Variants in SYNPO2 observed in about 807,000 individuals in gnomAD.
SYNPO2 encodes synaptopodin-2.
Under a neutral mutation model 85.0 loss-of-function variants are expected in SYNPO2, and 56 were observed. The ratio of observed to expected loss-of-function variants is 0.66; its 90% CI spans 0.53 to 0.82. The LOEUF is 0.82. Among genes scored for constraint, SYNPO2 ranks in the 40% least tolerant of loss-of-function variants. The pLI, the probability that SYNPO2 is intolerant of heterozygous loss-of-function variation, is 0.00. For synonymous variants in SYNPO2, 602 were observed against 591.1 expected (o/e 1.02, Z -0.27); for missense variants, 1,575 against 1,534.2 (o/e 1.03, Z -0.44).
chr4:118,956,890 T>TA (rs545624790), intron 1 of SYNPO2, among the ~76,000 whole-genome samples: 1 of 151,564 alleles, frequency 6.6e-6, no homozygotes, highest in South Asian at 2.1e-4. Context: ...ACTAAAAATA[T>TA]AAAAATTAGC....
At chr4:118,887,005 G>GA (rs796572477), upstream of SYNPO2, among the ~76,000 whole-genome samples, 46 of 151,294 alleles carry the variant, frequency 3.0e-4, no homozygotes, top group African/African-American at 8.7e-4. Flanking sequence ...ACATTGATGA[G>GA]AAAAAAAAAT....
intron 1 of SYNPO2, among the ~76,000 whole-genome samples, chr4:118,950,582 G>T (rs1429173762): frequency 1.3e-5 from 2 of 152,172 alleles, no homozygotes; most frequent in African/African-American, 4.8e-5. Context: ...TGGTGCTAGG[G>T]TGACTAGGAC....
At chr4:118,868,237 A>G (rs999714663) in intron 1 of SYNPO2, among the ~76,000 whole-genome samples, 1 of 152,000 alleles carries the variant, frequency 6.6e-6, no homozygotes, top group Non-Finnish European at 1.5e-5. Flanking sequence ...TTTCAAACTG[A>G]TTTTCTAAAT....
intron 4 of SYNPO2, chr4:119,042,837 A>C (rs947896954): frequency 6.6e-6 from 1 of 152,238 alleles, no homozygotes; most frequent in African/African-American, 2.4e-5. Context: ...ACTTTGAGGC[A>C]CTAAAGTTTA....
In SYNPO2 at chr4:119,057,677, A is replaced by C. The variant is rs745365878; in HGVS notation, c.3529A>C (p.Asn1177His). 1.9e-6 allele frequency: 3 copies of C among 1,614,152 alleles called. No individual in the cohort carries two copies. In the South Asian group the frequency reaches 3.3e-5, roughly 18 times the overall value. Reference protein sequence around the residue: ...KVLPGPPEDWNERLSYIPQTQ... With the variant: ...KVLPGPPEDWHERLSYIPQTQ... ...GCTTCCAGGGCCTCCAGAGGATTGGAATGAAAGACTGTCCTATATTCCTCA... is the reference window on the plus strand; with the variant it reads ...GCTTCCAGGGCCTCCAGAGGATTGGCATGAAAGACTGTCCTATATTCCTCA... The change falls in exon 5 of 5, where the codon AAT (asparagine) becomes CAT (histidine). Residue 1177 changes from asparagine (N) to histidine (H), a missense_variant. Transcript: ENST00000307142.
At chr4:118,995,862 T>TTATCTATC (rs34223926) in intron 1 of SYNPO2, among the ~76,000 whole-genome samples, 7,704 of 148,374 alleles carry the variant, frequency 0.052, 225 homozygotes, top group Non-Finnish European at 0.056. Flanking sequence ...TCTATTTATC[T>TTATCTATC]TATCTATCTA....
chr4:118,875,574 T>G lies in SYNPO2; in HGVS notation c.12+24634T>G, dbSNP rs73842280. On this transcript the variant is annotated intron_variant, in intron 1 of 4. Transcript: ENST00000610556. ...AAAATGTATCATGTGATTATGATTG[T>G]GTGTGCTTCCATTATCTAGCATGTT... Among the ~76,000 whole-genome samples the G allele has an allele frequency of 4.3e-3, 654 of 152,352 alleles. 2 individuals are homozygous for G. The highest frequency in any genetic ancestry group is 0.015 in the African/African-American group (614 of 41,586).
Position 118,943,950 on chromosome 4 carries a change from C to T in SYNPO2, c.105+54809C>T, listed in dbSNP as rs115391038. Among the ~76,000 whole-genome samples, 787 of 152,212 alleles carry T rather than the reference C, an allele frequency of 5.2e-3. 8 individuals carry two copies. Among genetic ancestry groups the T allele is most frequent in the African/African-American group, 0.018 (750 of 41,530 alleles). Reference sequence around the variant, plus strand: ...TTATGTTGCTTTCAGTGCTACATACCTACGTGGAAGTAACGCCACATTTGT... The same window carrying T: ...TTATGTTGCTTTCAGTGCTACATACTTACGTGGAAGTAACGCCACATTTGT... On this transcript the variant is annotated intron_variant, in intron 1 of 4. Transcript: ENST00000307142.
At chr4:118,976,735 C>G (rs992885129) in intron 1 of SYNPO2, among the ~76,000 whole-genome samples, 11 of 152,302 alleles carry the variant, frequency 7.2e-5, no homozygotes, top group South Asian at 4.2e-4. Context: ...TTGAGCTAAA[C>G]ACAGGGTGCT....
intron 1 of SYNPO2, among the ~76,000 whole-genome samples, chr4:118,974,808 A>C (rs1263469692): frequency 6.6e-6 from 1 of 152,108 alleles, no homozygotes; most frequent in Non-Finnish European, 1.5e-5. Context: ...TTTGCTTCAA[A>C]TGTTGTCTCT....
chr4:118,934,513 A>G (rs537688343), intron 1 of SYNPO2, among the ~76,000 whole-genome samples: 1 of 152,246 alleles, frequency 6.6e-6, no homozygotes, highest in South Asian at 2.1e-4. Flanking sequence ...ACCCCAACCC[A>G]ATCACTGTAG....
At chr4:118,876,685 CT>C (rs1228995021) in intron 1 of SYNPO2, among the ~76,000 whole-genome samples, 3 of 74,298 alleles carry the variant, frequency 4.0e-5, no homozygotes, top group Non-Finnish European at 5.6e-5. Context: ...TTCTTTCTTT[CT>C]TTCTTTCTTT....
At chr4:118,877,370 T>A (rs572137936) in intron 1 of SYNPO2, among the ~76,000 whole-genome samples, 1 of 151,978 alleles carries the variant, frequency 6.6e-6, no homozygotes, top group South Asian at 2.1e-4. Flanking sequence ...GGGACCCAAA[T>A]AAACTAAAGA....
At chr4:118,915,210 C>T (rs1420905472) in intron 1 of SYNPO2, among the ~76,000 whole-genome samples, 1 of 151,936 alleles carries the variant, frequency 6.6e-6, no homozygotes, top group Non-Finnish European at 1.5e-5. Context: ...ATATCATAAA[C>T]ATATGTAATA....
At chr4:118,964,297 A>AACACACACACACACACACAC (rs10523074) in intron 1 of SYNPO2, among the ~76,000 whole-genome samples, 4 of 140,716 alleles carry the variant, frequency 2.8e-5, no homozygotes, top group African/African-American at 1.1e-4. Context: ...AAACACACAC[A>AACACACACACACACACACAC]ACACACACAC....
At position 118,980,067 on chromosome 4, in the gene SYNPO2, G is replaced by T. The variant is rs187025718; in HGVS notation, c.106-43363G>T. 1.3e-3 allele frequency among the ~76,000 whole-genome samples: 205 copies of T among 152,200 alleles called. 2 individuals are homozygous for T. Among genetic ancestry groups the T allele is most frequent in the African/African-American group, 4.6e-3 (192 of 41,544 alleles). On this transcript the variant is annotated intron_variant, in intron 1 of 4. Transcript: ENST00000307142. ...GTTGGATACATTGCATAGTATATGCGGTTTTTAAGCTAACTTAAAGGGAAA... is the reference window on the plus strand; with the variant it reads ...GTTGGATACATTGCATAGTATATGCTGTTTTTAAGCTAACTTAAAGGGAAA...
At chr4:119,012,378 T>TC (rs1232701252) in intron 1 of SYNPO2, among the ~76,000 whole-genome samples, 13 of 89,364 alleles carry the variant, frequency 1.5e-4, no homozygotes, top group Non-Finnish European at 1.9e-4. Flanking sequence ...CCCTTTTCTT[T>TC]TTTTTTTTTT....
At chr4:118,982,862 G>A (rs1366772338) in intron 1 of SYNPO2, among the ~76,000 whole-genome samples, 3 of 152,142 alleles carry the variant, frequency 2.0e-5, no homozygotes, top group Admixed American at 1.3e-4. Flanking sequence ...TGTCCAAAGA[G>A]GTCAAACTCT....
At chr4:118,888,788 G>T, upstream of SYNPO2, 1 of 509,060 alleles carries the variant, frequency 2.0e-6, no homozygotes. Context: ...GGAGAGTGAC[G>T]CAAGAGTGGG....
Sources: gnomAD v4.1 joint callset for allele counts (sites outside exome capture counted in the v4.1 genomes callset) on GRCh38, gnomAD v4.1.1 for gene constraint, MANE v1.5 for transcripts, NCBI Gene and HGNC (gene_info 2026-07-23, HGNC 2026-07-21) for gene names.